The following FBXO21 variants were observed in gnomAD, a reference collection of about 807,000 sequenced individuals.
FBXO21 encodes F-box protein 21.
In FBXO21, 32 loss-of-function variants were observed where a neutral mutation model predicts 76.6. That is an observed-to-expected ratio of 0.42 (90% CI 0.32 to 0.56). The LOEUF is 0.56. Ranked by LOEUF, FBXO21 falls within the 20% of genes least tolerant of loss-of-function variation. The pLI is 0.16. For synonymous variants in FBXO21, 328 were observed against 311.5 expected (o/e 1.05, Z -0.56); for missense variants, 586 against 797.3 (o/e 0.73, Z 3.19).
chr12:117,164,179 G>A (rs923222445), intron 9 of FBXO21, among the ~76,000 whole-genome samples: 1 of 151,764 alleles, frequency 6.6e-6, no homozygotes, highest in African/African-American at 2.4e-5. Context: ...TAGCTTTGGT[G>A]GAAAGTTTTC....
rs973700053 is a variant in FBXO21, at chr12:117,177,743, A to G, written c.471-102T>C. 3 of 885,180 alleles carry G rather than the reference A, an allele frequency of 3.4e-6. No individual in the cohort carries two copies. The African/African-American group carries it at 5.1e-5, about 15-fold the overall frequency. The allele number at this position is 885,180 out of a possible 1,614,324, so 54.8% of individuals were successfully genotyped here. A position where few individuals can be genotyped will look rare whatever the true frequency, so the allele number is the denominator to read the frequency against. On this transcript the variant is annotated intron_variant, in intron 3 of 11. Transcript: ENST00000622495. ...ATGTAGTTTGCTTAACAAGAAAAAT[A>G]TAATTGGTTCATTCTCTTATAATAA...
At position 117,145,885 on chromosome 12, in the gene FBXO21, G is replaced by C; in HGVS notation, c.*202C>G. 2.1e-6 allele frequency: 1 copy of C among 475,456 alleles called. No homozygotes were observed. 29.5% of individuals were successfully genotyped at this position (475,456 alleles called of 1,614,324 possible). ...CAGTGCCTTTCAGATTAATTCACTA[G>C]TGTAGGCGGAGAGCAACATTGTCTT... On this transcript the variant is annotated 3_prime_UTR_variant, in exon 12 of 12. Coordinates refer to ENST00000622495, the MANE Select transcript of FBXO21 (RefSeq NM_015002.3).
intron 4 of FBXO21, among the ~76,000 whole-genome samples, chr12:117,175,555 C>T (rs1956164463): frequency 6.6e-6 from 1 of 152,216 alleles, no homozygotes; most frequent in Non-Finnish European, 1.5e-5. Context: ...ACCAATGCTC[C>T]AGAGCTCAAA....
chr12:117,151,192 G>T (rs1413921965), intron 11 of FBXO21, among the ~76,000 whole-genome samples: 1 of 152,126 alleles, frequency 6.6e-6, no homozygotes, highest in Non-Finnish European at 1.5e-5. Context: ...CAATACGGCG[G>T]CTGACCTAGA....
chr12:117,157,963 T>C lies in FBXO21; in HGVS notation c.1427A>G (p.Lys476Arg), dbSNP rs1404523178. Residue 476 changes from lysine (K) to arginine (R), a missense_variant, in exon 10 of 12, where the codon AAG becomes AGG. Lys to Arg is a conservative substitution (Grantham distance 26). Coordinates refer to ENST00000622495, the MANE Select transcript of FBXO21 (RefSeq NM_015002.3). ...CTTCACCTCTACGCCCACCTCCTCC[T>C]TTTTGCGCTCAATGTGCTCTAGAGT... Reference protein sequence around the residue: ...QHTLEHIERKKEEVGVEVKLR... With the variant: ...QHTLEHIERKREEVGVEVKLR... 9.9e-6 allele frequency: 16 copies of C among 1,614,122 alleles called. No homozygotes were observed. The highest frequency in any genetic ancestry group is 2.2e-5 in the East Asian group (1 of 44,872).
At chr12:117,190,167 G>GGGGGCGCGGGGCGGTGGGCGCGCAGCC (rs765864102) in intron 1 of FBXO21, 51 bp downstream of exon 1, 75 of 1,071,834 alleles carry the variant, frequency 7.0e-5, no homozygotes, top group Non-Finnish European at 8.4e-5. Flanking sequence ...CCCGGCCCCG[G>GGGGGCGCGGGGCGGTGGGCGCGCAGCC]GGGGCGCGGG....
chr12:117,151,456 A>G (rs1158857238), intron 11 of FBXO21, among the ~76,000 whole-genome samples: 1 of 152,226 alleles, frequency 6.6e-6, no homozygotes, highest in Non-Finnish European at 1.5e-5. Context: ...CTCTCCGTGC[A>G]GAGCTAGTAA....
intron 9 of FBXO21, among the ~76,000 whole-genome samples, chr12:117,161,258 G>A (rs909736857): frequency 6.6e-6 from 1 of 152,070 alleles, no homozygotes; most frequent in Non-Finnish European, 1.5e-5. Context: ...CAGAGGCCCT[G>A]GGCAGACACG....
At chr12:117,189,142 AAAAGAGCTGG>A in intron 2 of FBXO21, 75 bp downstream of exon 2, 1 of 1,510,958 alleles carries the variant, frequency 6.6e-7, no homozygotes, top group Non-Finnish European at 9.2e-7. Flanking sequence ...GGGAGATACG[AAAAGAGCTGG>A]ATGAGCTCAT....
chr12:117,172,282 G>A (rs1480315851), intron 7 of FBXO21, among the ~76,000 whole-genome samples, 189 bp downstream of exon 7: 2 of 152,148 alleles, frequency 1.3e-5, no homozygotes, highest in Non-Finnish European at 2.9e-5. Context: ...CATCTTAACT[G>A]TTATAGTATA....
chr12:117,178,834 T>TTCA lies in FBXO21; in HGVS notation c.471-1196_471-1194dup, dbSNP rs1247448176. Among the ~76,000 whole-genome samples the TTCA allele has an allele frequency of 3.9e-5, 6 of 152,172 alleles. 1 individual carries two copies. Among genetic ancestry groups the TTCA allele is most frequent in the African/African-American group, 4.8e-5 (2 of 41,448 alleles). On this transcript the variant is annotated intron_variant, in intron 3 of 11. Transcript: ENST00000622495. ...CCGATTATATTTCTCTATAGCATGT[T>TTCA]TCATTTTCTAATGTAACCAATTTCT...
chr12:117,182,996 G>A (rs1297848702), intron 3 of FBXO21, among the ~76,000 whole-genome samples: 1 of 152,176 alleles, frequency 6.6e-6, no homozygotes, highest in Admixed American at 6.5e-5. Flanking sequence ...GGGAGGCTGA[G>A]GCAGGAGGGT....
At chr12:117,153,750 A>T (rs1423508452) in intron 11 of FBXO21, among the ~76,000 whole-genome samples, 4 of 152,270 alleles carry the variant, frequency 2.6e-5, no homozygotes, top group Non-Finnish European at 5.9e-5. Context: ...CTCATAGTGT[A>T]GGAACAGCTT....
Position 117,189,250 on chromosome 12 carries a change from A to C in FBXO21, c.352T>G (p.Ser118Ala). Residue 118 changes from serine to alanine, a missense_variant, in exon 2 of 12, where the codon TCA becomes GCA. This residue lies in a region of FBXO21 where 246 missense variants were observed against 356.8 expected (regional missense o/e 0.69). Coordinates refer to ENST00000622495, the MANE Select transcript of FBXO21 (RefSeq NM_015002.3). Reference protein sequence around the residue: ...LEARKIVASFSKRFFSEHVPC... With the variant: ...LEARKIVASFAKRFFSEHVPC... Reference sequence around the variant, plus strand: ...ACGTGCTCTGAAAAGAACCTCTTTGAGAACGAGGCTACAATCTTCCGCGCT... The same window carrying C: ...ACGTGCTCTGAAAAGAACCTCTTTGCGAACGAGGCTACAATCTTCCGCGCT... The C allele has an allele frequency of 6.2e-7, 1 of 1,614,248 alleles. No individual in the cohort carries two copies. The highest frequency in any genetic ancestry group is 8.5e-7 in the Non-Finnish European group (1 of 1,180,044).
intron 10 of FBXO21, 112 bp downstream of exon 10, chr12:117,157,761 G>A: frequency 3.4e-6 from 3 of 894,978 alleles, no homozygotes. Flanking sequence ...CGGGGGATAA[G>A]TGATCCAGTC....
chr12:117,152,450 A>G (rs1187561387), intron 11 of FBXO21, among the ~76,000 whole-genome samples: 2 of 149,648 alleles, frequency 1.3e-5, no homozygotes, highest in African/African-American at 5.1e-5. Context: ...TGGGTGACAG[A>G]GCACCCTGTC....
Position 117,166,878 on chromosome 12 carries a change from G to A in FBXO21, c.1193+20C>T, listed in dbSNP as rs1348430294. 6.2e-7 allele frequency: 1 copy of A among 1,611,546 alleles called. No individual in the cohort carries two copies. The highest frequency in any genetic ancestry group is 1.1e-5 in the South Asian group (1 of 90,988). ...AGACATGTGCTCTGCAGAAGTACTA[G>A]AAAACCAAGAAAACCTTACCGCTTC... On this transcript the variant is annotated intron_variant, in intron 8 of 11. Transcript: ENST00000622495.
At chr12:117,176,894 G>A (rs11068388) in intron 4 of FBXO21, among the ~76,000 whole-genome samples, 27,191 of 152,030 alleles carry the variant, frequency 0.18, 3,133 homozygotes, top group Admixed American at 0.34. Context: ...AAAAGTAAAC[G>A]ACCAGTCATA....
At chr12:117,182,970 G>A (rs1476519300) in intron 3 of FBXO21, among the ~76,000 whole-genome samples, 1 of 152,174 alleles carries the variant, frequency 6.6e-6, no homozygotes, top group Non-Finnish European at 1.5e-5. Context: ...GCAAGTGCCT[G>A]TAGTCCTAAC....
Sources: allele counts gnomAD v4.1 joint callset (sites outside exome capture counted in the v4.1 genomes callset), GRCh38; gene constraint gnomAD v4.1.1; regional missense constraint gnomAD v4.1.1; transcripts MANE v1.5; gene names NCBI Gene and HGNC (gene_info 2026-07-23, HGNC 2026-07-21).